Variants in GPR141 observed in about 807,000 individuals in gnomAD.
GPR141 encodes G protein-coupled receptor 141.
GPR141 carries 6 observed loss-of-function variants against 6.8 expected under a neutral mutation model. The ratio of observed to expected loss-of-function variants is 0.88; its 90% CI spans 0.48 to 1.74. GPR141 has a LOEUF of 1.74. Among genes scored for constraint, GPR141 ranks in the 40% most tolerant of loss-of-function variants. The probability of loss-of-function intolerance (pLI) is 0.01; values close to 1 mark genes in which losing one functional copy is unlikely to be tolerated. For missense variants in GPR141, 372 were observed against 372.9 expected (o/e 1.00, Z 0.02); for synonymous variants, 140 against 142.3 (o/e 0.98, Z 0.11).
intron 2 of GPR141, among the ~76,000 whole-genome samples, chr7:37,687,925 A>G (rs1402942987): frequency 6.6e-6 from 1 of 152,150 alleles, no homozygotes; most frequent in Admixed American, 6.5e-5. Flanking sequence ...TTAAAGGACC[A>G]GATCATAAAT....
intron 2 of GPR141, among the ~76,000 whole-genome samples, chr7:37,736,459 C>G (rs73691195): frequency 2.0e-5 from 3 of 147,936 alleles, no homozygotes; most frequent in Admixed American, 2.0e-4. Flanking sequence ...AGACATTAAC[C>G]TATAAATTTA....
At chr7:37,714,057 G>C (rs1454496491) in intron 2 of GPR141, among the ~76,000 whole-genome samples, 1 of 150,226 alleles carries the variant, frequency 6.7e-6, no homozygotes, top group Non-Finnish European at 1.5e-5. Context: ...ATCATGTCCC[G>C]TCCTCTTACC....
At position 37,742,663 on chromosome 7, in the gene GPR141, T is replaced by C. The variant is rs554679129; in HGVS notation, c.*1352T>C. Among the ~76,000 whole-genome samples, 434 of 152,264 alleles carry C rather than the reference T, an allele frequency of 2.9e-3. 2 individuals are homozygous for C. The highest frequency in any genetic ancestry group is 9.9e-3 in the African/African-American group (410 of 41,560). Reference sequence around the variant, plus strand: ...AGATTAGGTTGCATGAAGAAGGTTTTCTGAATATTTGAAGAGTGGATAAAT... The same window carrying C: ...AGATTAGGTTGCATGAAGAAGGTTTCCTGAATATTTGAAGAGTGGATAAAT... On this transcript the variant is annotated 3_prime_UTR_variant, in exon 3 of 3. Coordinates refer to ENST00000334425, the MANE Select transcript of GPR141 (RefSeq NM_001381946.1).
intron 2 of GPR141, among the ~76,000 whole-genome samples, chr7:37,714,328 A>G (rs113746845): frequency 2.0e-4 from 30 of 152,326 alleles, no homozygotes; most frequent in Admixed American, 6.5e-4. Flanking sequence ...GTGAGAGTCT[A>G]TAATTTTGCT....
chr7:37,731,376 C>G (rs920967965), intron 2 of GPR141, among the ~76,000 whole-genome samples: 1 of 152,138 alleles, frequency 6.6e-6, no homozygotes, highest in Non-Finnish European at 1.5e-5. Flanking sequence ...ACGTGGAGAA[C>G]GAGGTGTCTC....
intron 2 of GPR141, among the ~76,000 whole-genome samples, chr7:37,721,703 C>G (rs1428066756): frequency 1.3e-5 from 2 of 152,092 alleles, no homozygotes; most frequent in Non-Finnish European, 2.9e-5. Context: ...TATTGGGCTC[C>G]AAGACAAAGG....
intron 2 of GPR141, among the ~76,000 whole-genome samples, chr7:37,717,129 ATG>A (rs1391006172): frequency 6.6e-6 from 1 of 152,224 alleles, no homozygotes; most frequent in Non-Finnish European, 1.5e-5. Flanking sequence ...CTTGCTAATT[ATG>A]TGTGTCTTCC....
In GPR141 at chr7:37,740,984, G is replaced by T. The variant is rs1208589360; in HGVS notation, c.591G>T (p.Leu197Phe). Residue 197 changes from leucine to phenylalanine, a missense_variant, in exon 3 of 3, where the codon TTG (leucine) becomes TTT (phenylalanine). Leu to Phe is a conservative substitution (Grantham distance 22). Coordinates refer to ENST00000334425, the MANE Select transcript of GPR141 (RefSeq NM_001381946.1). ...IFVIAVAVIL[L>F]VFQVFIIMLM... ...TCATAGCCGTTGCTGTGATTCTGTTGGTCTTCCAGGTCTTCATCATTATGT... is the reference window on the plus strand; with the variant it reads ...TCATAGCCGTTGCTGTGATTCTGTTTGTCTTCCAGGTCTTCATCATTATGT... The T allele has an allele frequency of 2.5e-6, 4 of 1,613,722 alleles. No homozygotes were observed. The highest frequency in any genetic ancestry group is 1.3e-5 in the African/African-American group (1 of 74,886).
intron 2 of GPR141, among the ~76,000 whole-genome samples, chr7:37,696,801 A>G (rs1375376667): frequency 6.6e-6 from 1 of 152,160 alleles, no homozygotes; most frequent in Non-Finnish European, 1.5e-5. Context: ...AAGTTAAACA[A>G]TCGTCACATT....
At chr7:37,700,730 A>G (rs1464750208) in intron 2 of GPR141, among the ~76,000 whole-genome samples, 2 of 152,228 alleles carry the variant, frequency 1.3e-5, no homozygotes, top group African/African-American at 4.8e-5. Context: ...TTATACATTC[A>G]TTTATACCAT....
At position 37,743,028 on chromosome 7, in the gene GPR141, T is replaced by G. The variant is rs1409853989; in HGVS notation, c.*1717T>G. Among the ~76,000 whole-genome samples, 3 of 152,106 alleles carry G rather than the reference T, an allele frequency of 2.0e-5. No individual in the cohort carries two copies. Among genetic ancestry groups the G allele is most frequent in the African/African-American group, 7.2e-5 (3 of 41,414 alleles). Reference sequence around the variant, plus strand: ...GCTTGTGGGTTTTTGCTTTTTGGGTTTTTTTTGCTCCTGCCCATACTTCCA... The same window carrying G: ...GCTTGTGGGTTTTTGCTTTTTGGGTGTTTTTTGCTCCTGCCCATACTTCCA... On this transcript the variant is annotated 3_prime_UTR_variant, in exon 3 of 3. Transcript: ENST00000334425.
chr7:37,709,308 T>G (rs761767815), intron 2 of GPR141, among the ~76,000 whole-genome samples: 3 of 152,256 alleles, frequency 2.0e-5, no homozygotes, highest in Non-Finnish European at 4.4e-5. Flanking sequence ...AGGGTTGTCT[T>G]CTTTATCACA....
At chr7:37,695,257 AC>A (rs1401813534) in intron 2 of GPR141, among the ~76,000 whole-genome samples, 1 of 152,112 alleles carries the variant, frequency 6.6e-6, no homozygotes, top group Non-Finnish European at 1.5e-5. Context: ...ATGAAGAGGC[AC>A]CCATAGCTCC....
intron 2 of GPR141, among the ~76,000 whole-genome samples, chr7:37,718,163 T>G (rs1247755862): frequency 6.6e-6 from 1 of 152,012 alleles, no homozygotes; most frequent in Admixed American, 6.6e-5. Context: ...ATGGGGACTA[T>G]AGTCTAGTGA....
chr7:37,707,272 GTTATTACCA>G (rs1359741671), intron 2 of GPR141, among the ~76,000 whole-genome samples: 2 of 152,270 alleles, frequency 1.3e-5, no homozygotes, highest in African/African-American at 4.8e-5. Context: ...AGTAGATACC[GTTATTACCA>G]TTATCCCCAT....
intron 2 of GPR141, among the ~76,000 whole-genome samples, chr7:37,711,624 G>A (rs1280769252): frequency 2.0e-5 from 3 of 152,168 alleles, no homozygotes; most frequent in African/African-American, 4.8e-5. Context: ...CTCTCCAGAC[G>A]AATTTAAGCC....
chr7:37,718,171 T>C (rs2131807327), intron 2 of GPR141, among the ~76,000 whole-genome samples: 1 of 152,128 alleles, frequency 6.6e-6, no homozygotes. Context: ...TATAGTCTAG[T>C]GAGGAAAATG....
chr7:37,684,728 C>CTGGACTTCAGCGTTCTACATAACTGCACA, intron 1 of GPR141, among the ~76,000 whole-genome samples: 1 of 152,158 alleles, frequency 6.6e-6, no homozygotes, highest in East Asian at 1.9e-4. Context: ...ACTTAATTCT[C>CTGGACTTCAGCGTTCTACATAACTGCACA]TGGACTTCAG....
chr7:37,724,937 G>C (rs992508448), intron 2 of GPR141, among the ~76,000 whole-genome samples: 6 of 152,132 alleles, frequency 3.9e-5, no homozygotes, highest in African/African-American at 1.4e-4. Context: ...AATAGTCCCA[G>C]ACTGAGACAC....
Sources: gnomAD v4.1 joint callset for allele counts (sites outside exome capture counted in the v4.1 genomes callset) on GRCh38, gnomAD v4.1.1 for gene constraint, MANE v1.5 for transcripts, NCBI Gene and HGNC (gene_info 2026-07-23, HGNC 2026-07-21) for gene names.